SPECC1: variants seen among roughly 807,000 people sequenced by gnomAD.
SPECC1 encodes the protein sperm antigen with calponin homology and coiled-coil domains 1.
A neutral mutation model predicts 104.1 loss-of-function variants in SPECC1; 62 were observed. The ratio of observed to expected loss-of-function variants is 0.60; its 90% confidence interval spans 0.49 to 0.74. The LOEUF is 0.74. SPECC1 is among the 30% of genes least tolerant of loss of function. The probability of loss-of-function intolerance (pLI) is 0.00; values close to 1 mark genes in which losing one functional copy is unlikely to be tolerated. For missense variants in SPECC1, 1,306 were observed against 1,310.5 expected, an observed-to-expected ratio of 1.00 and a Z score of 0.05; for synonymous variants, 513 against 501.6, an observed-to-expected ratio of 1.02 and a Z score of -0.30.
At chr17:20,142,162 A>C (rs2030891423) in intron 3 of SPECC1, among the ~76,000 whole-genome samples, 1 of 152,268 alleles carries the variant, frequency 6.6e-6, no homozygotes, top group Non-Finnish European at 1.5e-5. Flanking sequence ...AAAGTCACTA[A>C]ATTATTATTT....
At chr17:20,013,269 G>A (rs189894358) in intron 1 of SPECC1, among the ~76,000 whole-genome samples, 7 of 152,226 alleles carry the variant, frequency 4.6e-5, no homozygotes, top group African/African-American at 7.2e-5. Context: ...ATTTTTTGAT[G>A]ACCCAGCATA....
intron 13 of SPECC1, among the ~76,000 whole-genome samples, chr17:20,302,038 T>C (rs2041603991): frequency 6.6e-6 from 1 of 152,222 alleles, no homozygotes; most frequent in African/African-American, 2.4e-5. Flanking sequence ...AGTAAAAAGA[T>C]AGGGCATTCA....
intron 3 of SPECC1, among the ~76,000 whole-genome samples, chr17:20,121,421 G>C (rs184667234): frequency 6.6e-6 from 1 of 151,880 alleles, no homozygotes; most frequent in Non-Finnish European, 1.5e-5. Flanking sequence ...GTCCAGGCTG[G>C]AGTGCAGTGG....
At chr17:20,097,245 C>T (rs1319875001) in intron 2 of SPECC1, among the ~76,000 whole-genome samples, 1 of 152,184 alleles carries the variant, frequency 6.6e-6, no homozygotes, top group Non-Finnish European at 1.5e-5. Context: ...CTCCCCCCAT[C>T]CCTTTGGTCT....
intron 3 of SPECC1, among the ~76,000 whole-genome samples, chr17:20,197,632 G>A (rs886463778): frequency 6.6e-6 from 1 of 152,218 alleles, no homozygotes; most frequent in Non-Finnish European, 1.5e-5. Context: ...CTGGAAGGCA[G>A]AGACCAAAAG....
chr17:20,158,071 C>G (rs759227619), intron 3 of SPECC1, among the ~76,000 whole-genome samples: 2 of 152,178 alleles, frequency 1.3e-5, no homozygotes, highest in Non-Finnish European at 2.9e-5. Context: ...CACTGAGATC[C>G]TGGAAATTAG....
chr17:20,025,934 T>C (rs1286918039), intron 1 of SPECC1, among the ~76,000 whole-genome samples: 3 of 152,266 alleles, frequency 2.0e-5, no homozygotes, highest in Non-Finnish European at 4.4e-5. Flanking sequence ...TTCTACATTG[T>C]GGTTTTGATT....
chr17:20,292,298 G>T (rs577924401), intron 12 of SPECC1, among the ~76,000 whole-genome samples: 1 of 151,906 alleles, frequency 6.6e-6, no homozygotes, highest in Non-Finnish European at 1.5e-5. Context: ...AACTGGATGG[G>T]GCACCCCACT....
chr17:20,014,032 A>C (rs1027524521), intron 1 of SPECC1, among the ~76,000 whole-genome samples: 17 of 152,192 alleles, frequency 1.1e-4, no homozygotes, highest in African/African-American at 4.1e-4. Context: ...GCTCGGTTTT[A>C]GTAGATACTA....
chr17:20,222,187 G>T (rs1295785158), intron 4 of SPECC1, among the ~76,000 whole-genome samples: 1 of 152,078 alleles, frequency 6.6e-6, no homozygotes, highest in Admixed American at 6.6e-5. Flanking sequence ...TACAAAATTA[G>T]CTGGGTGTGG....
At chr17:20,022,391 A>G (rs145615961) in intron 1 of SPECC1, among the ~76,000 whole-genome samples, 2 of 152,304 alleles carry the variant, frequency 1.3e-5, no homozygotes, top group East Asian at 1.9e-4. Flanking sequence ...AATATAGACT[A>G]TTTTAGACAT....
At chr17:20,169,810 T>C (rs2033948223) in intron 3 of SPECC1, among the ~76,000 whole-genome samples, 1 of 152,190 alleles carries the variant, frequency 6.6e-6, no homozygotes. Flanking sequence ...GCCAGACTTT[T>C]AAACATTTCT....
rs2043861735 is a variant in SPECC1 at position 20,009,604 on chromosome 17, GTGTCC to G, written c.-22+186_-22+190del. 6.6e-6 allele frequency among the ~76,000 whole-genome samples: 1 copy of G among 152,122 alleles called. No individual in the cohort carries two copies. Among genetic ancestry groups the G allele is most frequent in the South Asian group, 2.1e-4 (1 of 4,836 alleles). On this transcript the variant is annotated intron_variant, in intron 1 of 14. Coordinates refer to ENST00000395527, the MANE Select transcript of SPECC1 (RefSeq NM_001243439.2). This position sits in a 1 kb window ranked among gnomAD's most constrained non-coding sequence, Gnocchi z 5.2. ...GCGGGGGCCCCGGTCCCCTCGTCGC[GTGTCC>G]TGTCCCCAGCCCAGGAGGGACGTCC...
chr17:20,041,754 G>C (rs2045339877), intron 1 of SPECC1, among the ~76,000 whole-genome samples: 1 of 149,974 alleles, frequency 6.7e-6, no homozygotes, highest in South Asian at 2.1e-4. Flanking sequence ...CTCCCGAGTA[G>C]CTGGGACTAC....
At chr17:20,082,441 A>G (rs1006620392) in intron 1 of SPECC1, among the ~76,000 whole-genome samples, 2 of 152,110 alleles carry the variant, frequency 1.3e-5, no homozygotes, top group Non-Finnish European at 2.9e-5. Flanking sequence ...TTCTCAAAAA[A>G]GAAAAAAATT....
chr17:20,042,597 C>T (rs1402567179), intron 1 of SPECC1, among the ~76,000 whole-genome samples: 1 of 152,158 alleles, frequency 6.6e-6, no homozygotes. Context: ...TACCTTGGTA[C>T]GTCCTCACAA....
At chr17:20,122,801 G>GT (rs1200993118) in intron 3 of SPECC1, among the ~76,000 whole-genome samples, 1 of 152,186 alleles carries the variant, frequency 6.6e-6, no homozygotes, top group African/African-American at 2.4e-5. Context: ...ACTGTAGCAT[G>GT]TGTCAGAATT....
intron 3 of SPECC1, among the ~76,000 whole-genome samples, chr17:20,149,852 T>G (rs940416654): frequency 2.6e-5 from 4 of 152,230 alleles, no homozygotes; most frequent in Middle Eastern, 3.2e-3. Context: ...AAAAACAGTT[T>G]TGTTTTATAA....
intron 1 of SPECC1, among the ~76,000 whole-genome samples, chr17:20,041,815 C>G (rs28830504): frequency 6.6e-6 from 1 of 151,110 alleles, no homozygotes; most frequent in Non-Finnish European, 1.5e-5. Context: ...TTAGTAGAGA[C>G]GGGGTTTCAC....
Sources: gnomAD v4.1 joint callset for allele counts (sites outside exome capture counted in the v4.1 genomes callset) on GRCh38, gnomAD v4.1.1 for gene constraint, Gnocchi (gnomAD v3.1) non-coding constraint, MANE v1.5 for transcripts, NCBI Gene and HGNC (gene_info 2026-07-23, HGNC 2026-07-21) for gene names.